ARHGAP6: variants seen among roughly 807,000 people sequenced by gnomAD.
The protein encoded by ARHGAP6 is rho GTPase-activating protein 6.
In ARHGAP6, 16 loss-of-function variants were observed where a neutral mutation model predicts 55.7. That is an observed-to-expected ratio of 0.29 (90% CI 0.19 to 0.44). The LOEUF (loss-of-function observed/expected upper bound fraction) is 0.44, where lower values mean the gene tolerates loss of function less well. Ranked by LOEUF, ARHGAP6 falls within the 20% of genes least tolerant of loss-of-function variation. ARHGAP6 has a pLI of 1.00. For synonymous variants in ARHGAP6, 382 were observed against 360.9 expected (o/e 1.06, Z -0.66); for missense variants, 698 against 808.9 (o/e 0.86, Z 1.66).
At chrX:11,552,407 T>A (rs1225753552) in intron 1 of ARHGAP6, among the ~76,000 whole-genome samples, 1 of 104,854 alleles carries the variant, frequency 9.5e-6, no homozygotes, top group Non-Finnish European at 2.0e-5. Flanking sequence ...AATCCAGCAA[T>A]CCCACTACTG....
chrX:11,512,820 C>A (rs989455213), intron 1 of ARHGAP6, among the ~76,000 whole-genome samples: 1 of 111,579 alleles, frequency 9.0e-6, no homozygotes, highest in African/African-American at 3.3e-5. Flanking sequence ...ACTGCACATG[C>A]ATAAGAAAGC....
intron 1 of ARHGAP6, among the ~76,000 whole-genome samples, chrX:11,651,278 C>T (rs2052581056): frequency 3.5e-5 from 3 of 86,576 alleles, no homozygotes; most frequent in Admixed American, 3.4e-4. Context: ...TCCTGATCCT[C>T]TCCCTCCTCC....
chrX:11,272,917 G>GTGTT lies in ARHGAP6; in HGVS notation c.589-18214_589-18211dup, dbSNP rs767405944. Among the ~76,000 whole-genome samples, 95 of 112,015 alleles carry GTGTT rather than the reference G, an allele frequency of 8.5e-4. No homozygotes were observed. The East Asian group carries it at 0.022, about 26-fold the overall frequency. On this transcript the variant is annotated intron_variant, in intron 1 of 12. Coordinates refer to ENST00000337414, the MANE Select transcript of ARHGAP6 (RefSeq NM_013427.3). ...GGGAGGACTCTCCTTCTGGCTGCCT[G>GTGTT]TGTTTGAATTCAAGTTCAGCATATA...
intron 1 of ARHGAP6, among the ~76,000 whole-genome samples, chrX:11,559,647 G>A (rs2051361950): frequency 9.0e-6 from 1 of 111,425 alleles, no homozygotes; most frequent in South Asian, 3.8e-4. Flanking sequence ...AAGTAGGAGG[G>A]CCGGGCGCGG....
intron 1 of ARHGAP6, among the ~76,000 whole-genome samples, chrX:11,293,959 A>G (rs1253853871): frequency 8.9e-6 from 1 of 112,432 alleles, no homozygotes; most frequent in East Asian, 2.8e-4. Flanking sequence ...CTTTCTTCTG[A>G]CAGTTTTCCC....
intron 1 of ARHGAP6, among the ~76,000 whole-genome samples, chrX:11,311,723 C>T (rs1026741968): frequency 2.7e-5 from 3 of 111,720 alleles, no homozygotes; most frequent in Non-Finnish European, 3.8e-5. Context: ...TTCCCCAAAG[C>T]GCCGGCTGTG....
intron 1 of ARHGAP6, among the ~76,000 whole-genome samples, chrX:11,505,854 C>T (rs978884330): frequency 9.0e-6 from 1 of 110,755 alleles, no homozygotes; most frequent in Non-Finnish European, 1.9e-5. Flanking sequence ...ATGATGAGAA[C>T]TCATGGAGAC....
intron 1 of ARHGAP6, among the ~76,000 whole-genome samples, chrX:11,470,459 C>G (rs907755753): frequency 8.9e-6 from 1 of 112,387 alleles, no homozygotes; most frequent in Non-Finnish European, 1.9e-5. Context: ...AACAAACACT[C>G]CATTTGCCTG....
chrX:11,389,585 G>A (rs910744603), intron 1 of ARHGAP6, among the ~76,000 whole-genome samples: 5 of 112,078 alleles, frequency 4.5e-5, no homozygotes, highest in South Asian at 3.7e-4. Flanking sequence ...CTGAGCATGC[G>A]TTATCATCAA....
chrX:11,166,687 A>T (rs1258811741), intron 9 of ARHGAP6, among the ~76,000 whole-genome samples: 1 of 112,319 alleles, frequency 8.9e-6, no homozygotes, highest in African/African-American at 3.2e-5. Context: ...TGTGCTTTAT[A>T]AAAAGGAAGG....
In ARHGAP6 at chrX:11,509,887, A is replaced by G. The variant is rs2050768512; in HGVS notation, c.588+154354T>C. 3.6e-5 allele frequency among the ~76,000 whole-genome samples: 4 copies of G among 112,073 alleles called. No individual in the cohort carries two copies. The South Asian group carries it at 1.5e-3, about 42-fold the overall frequency. ...TATAGCAATTGTCAGGAAAAGGTCCAGTGGTTTCATAGGCCCCACTTCCAG... is the reference window on the plus strand; with the variant it reads ...TATAGCAATTGTCAGGAAAAGGTCCGGTGGTTTCATAGGCCCCACTTCCAG... On this transcript the variant is annotated intron_variant, in intron 1 of 12. Transcript: ENST00000337414.
intron 1 of ARHGAP6, among the ~76,000 whole-genome samples, chrX:11,553,652 T>C (rs34123006): frequency 0.15 from 16,869 of 111,493 alleles, 1,280 homozygotes; most frequent in Non-Finnish European, 0.24. Flanking sequence ...CAATTCACCA[T>C]TAAGTTTACT....
intron 1 of ARHGAP6, among the ~76,000 whole-genome samples, chrX:11,614,996 A>G (rs1349880084): frequency 9.1e-6 from 1 of 110,451 alleles, no homozygotes; most frequent in African/African-American, 3.3e-5. Context: ...TGGTGCTGCC[A>G]CAGACCCTTA....
intron 1 of ARHGAP6, among the ~76,000 whole-genome samples, chrX:11,583,690 G>A (rs1325062336): frequency 2.7e-5 from 3 of 111,378 alleles, no homozygotes; most frequent in South Asian, 7.4e-4. Flanking sequence ...GATCAACCAG[G>A]CTTTATCCCA....
At chrX:11,146,739 C>T (rs1331393803) in intron 10 of ARHGAP6, among the ~76,000 whole-genome samples, 2 of 112,566 alleles carry the variant, frequency 1.8e-5, no homozygotes, top group Non-Finnish European at 3.7e-5. Context: ...ATACCATGCT[C>T]TCTAGCAGCA....
At chrX:11,223,380 A>G (rs188379729) in intron 2 of ARHGAP6, 177 of 123,801 alleles carry the variant, frequency 1.4e-3, no homozygotes, top group Middle Eastern at 4.3e-3. Flanking sequence ...GTAGTGAACA[A>G]TATGTTTACT....
intron 1 of ARHGAP6, among the ~76,000 whole-genome samples, chrX:11,508,689 C>T (rs1277117583): frequency 1.8e-5 from 2 of 109,764 alleles, no homozygotes; most frequent in Non-Finnish European, 3.8e-5. Flanking sequence ...CAGTCTTCCA[C>T]TGTATGCCTC....
chrX:11,549,620 T>G (rs1415625825), intron 1 of ARHGAP6, among the ~76,000 whole-genome samples: 1 of 111,968 alleles, frequency 8.9e-6, no homozygotes, highest in Non-Finnish European at 1.9e-5. Context: ...AGGCCTGTGA[T>G]GAGATCCAAG....
chrX:11,598,050 T>A (rs185289215), intron 1 of ARHGAP6, among the ~76,000 whole-genome samples: 16 of 112,283 alleles, frequency 1.4e-4, no homozygotes, highest in Non-Finnish European at 2.4e-4. Flanking sequence ...CAGGTCTTGG[T>A]GTGATCTCAC....
Sources: allele counts gnomAD v4.1 joint callset (sites outside exome capture counted in the v4.1 genomes callset), GRCh38; gene constraint gnomAD v4.1.1; transcripts MANE v1.5; gene names NCBI Gene and HGNC (gene_info 2026-07-23, HGNC 2026-07-21).